COL5A3: variants seen among roughly 807,000 people sequenced by gnomAD.
COL5A3 encodes collagen type V alpha 3 chain.
COL5A3 carries 172 observed loss-of-function variants against 250.0 expected under a neutral mutation model. The ratio of observed to expected loss-of-function variants is 0.69; its 90% CI spans 0.61 to 0.78. COL5A3 has a LOEUF of 0.78. Among genes scored for constraint, COL5A3 ranks in the 30% least tolerant of loss-of-function variants. COL5A3 has a pLI of 0.00. For missense variants in COL5A3, 2,340 were observed against 2,334.4 expected, an observed-to-expected ratio of 1.00 and a Z score of -0.05; for synonymous variants, 937 against 900.4, an observed-to-expected ratio of 1.04 and a Z score of -0.73.
chr19:9,968,198 TC>T lies in COL5A3; in HGVS notation c.4315-120del. On this transcript the variant is annotated intron_variant, in intron 59 of 66. Transcript: ENST00000264828. The surrounding 1 kb of genome is among the most constrained non-coding windows in gnomAD (Gnocchi z 4.1). Reference sequence around the variant, plus strand: ...CCCGAACCCTAGACAAGCCTCCAGTTCCCCCACAGAGAGACCCCAAACCCCA... The same window carrying T: ...CCCGAACCCTAGACAAGCCTCCAGTTCCCCACAGAGAGACCCCAAACCCCA... The T allele has an allele frequency of 9.1e-7, 1 of 1,104,236 alleles. No homozygotes were observed. The highest frequency in any genetic ancestry group is 2.6e-5 in the Admixed American group (1 of 38,534). The allele number at this position is 1,104,236 out of a possible 1,614,324, so 68.4% of individuals were successfully genotyped here. A position where few individuals can be genotyped will look rare whatever the true frequency, so the allele number is the denominator to read the frequency against.
intron 31 of COL5A3, among the ~76,000 whole-genome samples, chr19:9,983,333 C>A (rs553305762): frequency 6.6e-6 from 1 of 151,864 alleles, no homozygotes; most frequent in Non-Finnish European, 1.5e-5. Context: ...GAGACCCTGT[C>A]TCTGTAAAAA....
At chr19:9,969,818 C>T in intron 55 of COL5A3, 51 bp downstream of exon 55, 1 of 1,605,146 alleles carries the variant, frequency 6.2e-7, no homozygotes, top group East Asian at 2.2e-5. Flanking sequence ...GATGGCCCCA[C>T]TGTTGGCCTA....
chr19:9,993,868 A>G, intron 16 of COL5A3, 62 bp from the exon 17 acceptor site: 2 of 1,450,904 alleles, frequency 1.4e-6, no homozygotes, highest in Non-Finnish European at 1.9e-6. Flanking sequence ...CCACCAAATT[A>G]GGAACCCAAC....
intron 35 of COL5A3, among the ~76,000 whole-genome samples, 180 bp from the exon 36 acceptor site, chr19:9,980,227 C>G (rs2086989171): frequency 1.3e-5 from 2 of 152,226 alleles, no homozygotes; most frequent in Admixed American, 6.5e-5. Context: ...GGGTTGGAGA[C>G]TGAGGTTACT....
Position 9,985,841 on chromosome 19 carries a change from C to G in COL5A3, c.2406+1G>C. On this transcript the variant is annotated splice_donor_variant, in intron 31 of 66. Coordinates refer to ENST00000264828, the MANE Select transcript of COL5A3 (RefSeq NM_015719.4). LOFTEE classifies it high-confidence loss of function. ...TCCACCCCCCACCCCCAGCTTCCTA[C>G]CTTAGGTCCAGGGCGTCCTGGATAA... 3 of 1,613,438 alleles carry G rather than the reference C, an allele frequency of 1.9e-6. No individual in the cohort carries two copies. The highest frequency in any genetic ancestry group is 2.5e-6 in the Non-Finnish European group (3 of 1,179,492).
At position 9,979,755 on chromosome 19, in the gene COL5A3, T is replaced by C. The variant is rs990365165; in HGVS notation, c.2712+84A>G. The C allele has an allele frequency of 2.5e-5, 33 of 1,329,100 alleles. No individual in the cohort carries two copies. The Admixed American group carries it at 2.8e-4, about 11-fold the overall frequency. The allele number at this position is 1,329,100 out of a possible 1,614,324, so 82.3% of individuals were successfully genotyped here. A position where few individuals can be genotyped will look rare whatever the true frequency, so the allele number is the denominator to read the frequency against. ...GAGCCGAGATTGCCCCACTGCACTC[T>C]AGCCCAGGTGACAGAGTGAGACTCT... On this transcript the variant is annotated intron_variant, in intron 37 of 66. Coordinates refer to ENST00000264828, the MANE Select transcript of COL5A3 (RefSeq NM_015719.4).
At chr19:9,970,355 C>G (rs111419847) in intron 54 of COL5A3, among the ~76,000 whole-genome samples, 94 of 21,062 alleles carry the variant, frequency 4.5e-3, no homozygotes, top group African/African-American at 5.1e-3. Flanking sequence ...TGTTCTGTGG[C>G]TGAGTGGGGT....
chr19:9,990,519 C>T (rs1187489811), intron 24 of COL5A3, among the ~76,000 whole-genome samples: 1 of 151,884 alleles, frequency 6.6e-6, no homozygotes, highest in Non-Finnish European at 1.5e-5. Context: ...ATCTCATGTA[C>T]TCCATAAGTA....
At chr19:9,964,215 C>T (rs943380601) in intron 64 of COL5A3, among the ~76,000 whole-genome samples, 1 of 151,654 alleles carries the variant, frequency 6.6e-6, no homozygotes, top group Admixed American at 6.6e-5. Flanking sequence ...TGGCTTTCTC[C>T]CACTGCTTAA....
intron 31 of COL5A3, among the ~76,000 whole-genome samples, chr19:9,984,942 A>ATTTTTTTTTTTTTTGTTTTT (rs2087075529): frequency 1.2e-5 from 1 of 83,006 alleles, no homozygotes; most frequent in Admixed American, 1.4e-4. Flanking sequence ...CATCTGGCTA[A>ATTTTTTTTTTTTTTGTTTTT]TTTTTTTTTT....
At chr19:9,969,427 T>G (rs1421014069) in intron 56 of COL5A3, 25 bp from the exon 57 acceptor site, 3 of 1,604,358 alleles carry the variant, frequency 1.9e-6, no homozygotes, top group Non-Finnish European at 2.5e-6. Flanking sequence ...GAACATGGGG[T>G]GGGCTGCACC....
chr19:10,007,381 C>T (rs573302046), intron 1 of COL5A3, among the ~76,000 whole-genome samples: 55 of 152,354 alleles, frequency 3.6e-4, no homozygotes, highest in Non-Finnish European at 7.2e-4. Flanking sequence ...CCTCCCCTGT[C>T]TGACCCTCTC....
chr19:10,003,415 A>C, intron 6 of COL5A3, 150 bp downstream of exon 6: 1 of 773,142 alleles, frequency 1.3e-6, no homozygotes, highest in Non-Finnish European at 2.1e-6. Flanking sequence ...GAGCTCATGG[A>C]TCCGAGACCA....
Position 9,996,127 on chromosome 19 carries a change from G to A in COL5A3, c.1480-8C>T, listed in dbSNP as rs1441990429. The A allele has an allele frequency of 6.4e-7, 1 of 1,571,288 alleles. No individual in the cohort carries two copies. The highest frequency in any genetic ancestry group is 8.6e-7 in the Non-Finnish European group (1 of 1,161,122). ...TGGATGCCCGGGGAGACCCTTGGGG[G>A]AGGAGAGATGGAGGAGTGTGGGTAG... On this transcript the variant is annotated splice_region_variant and splice_polypyrimidine_tract_variant and intron_variant, in intron 14 of 66. Transcript: ENST00000264828.
rs757327554 is a variant in COL5A3 at position 10,003,678 on chromosome 19, G to C, written c.736C>G (p.Arg246Gly). ...TTCCTCCCTTTTCCCTTCCCCTTCCGCCGAGGACGAGGGGTTTCTGGTTCA... is the reference window on the plus strand; with the variant it reads ...TTCCTCCCTTTTCCCTTCCCCTTCCCCCGAGGACGAGGGGTTTCTGGTTCA... ...QGEPETPRPR[R>G]KGKGKGRKKG... is the part of the protein sequence containing the mutation. Residue 246 changes from arginine to glycine, a missense_variant, in exon 6 of 67, where the codon CGG (arginine) becomes GGG (glycine). Around this residue, in one of 3 missense-constraint regions of COL5A3, gnomAD observed 1,152 missense variants for 1,146.3 expected, o/e 1.00. Coordinates refer to ENST00000264828, the MANE Select transcript of COL5A3 (RefSeq NM_015719.4). The C allele has an allele frequency of 5.0e-6, 8 of 1,613,748 alleles. No homozygotes were observed. In the Admixed American group the frequency reaches 1.3e-4, roughly 27 times the overall value.
chr19:9,968,615 C>CAGGG lies in COL5A3; in HGVS notation c.4206+56_4206+59dup. ...TGCACCAATCTCCCAGCCCCCCAGC[C>CAGGG]AGGGAGGGAGGGAAAGAGGGGAGGA... On this transcript the variant is annotated intron_variant, in intron 58 of 66. Transcript: ENST00000264828. This position sits in a 1 kb window ranked among gnomAD's most constrained non-coding sequence, Gnocchi z 4.1. The CAGGG allele has an allele frequency of 6.3e-7, 1 of 1,598,344 alleles. No individual in the cohort carries two copies. The highest frequency in any genetic ancestry group is 8.6e-7 in the Non-Finnish European group (1 of 1,167,810).
chr19:9,961,820 A>C (rs909304616), intron 65 of COL5A3, among the ~76,000 whole-genome samples: 2 of 152,110 alleles, frequency 1.3e-5, no homozygotes, highest in African/African-American at 4.8e-5. Context: ...GGCCTCCCAA[A>C]GTGCTGGGAT....
In COL5A3 at chr19:9,969,467, G is replaced by C. The variant is rs190346683; in HGVS notation, c.4099-65C>G. On this transcript the variant is annotated intron_variant, in intron 56 of 66. Transcript: ENST00000264828. Reference sequence around the variant, plus strand: ...CAGAACACAGTGTGGACCCCCCCCCGACCATGCACCAGGGGCAGCCCCTCC... The same window carrying C: ...CAGAACACAGTGTGGACCCCCCCCCCACCATGCACCAGGGGCAGCCCCTCC... The C allele has an allele frequency of 0.017, 27,410 of 1,578,660 alleles. 293 individuals are homozygous for C. The highest frequency in any genetic ancestry group is 0.02 in the Non-Finnish European group (23,743 of 1,159,058).
intron 27 of COL5A3, among the ~76,000 whole-genome samples, chr19:9,988,008 C>G (rs11085511): frequency 0.42 from 63,711 of 151,716 alleles, 14,478 homozygotes; most frequent in African/African-American, 0.6. Flanking sequence ...GCCGAGGCGG[C>G]CGGATCACCT....
Sources: allele counts gnomAD v4.1 joint callset (sites outside exome capture counted in the v4.1 genomes callset), GRCh38; gene constraint gnomAD v4.1.1; regional missense constraint gnomAD v4.1.1; non-coding constraint Gnocchi (gnomAD v3.1); transcripts MANE v1.5; gene names NCBI Gene and HGNC (gene_info 2026-07-23, HGNC 2026-07-21).